The following FDX1 variants were observed in gnomAD, a reference collection of about 807,000 sequenced individuals.
FDX1 encodes the protein adrenodoxin, mitochondrial.
FDX1 carries 9 observed loss-of-function variants against 14.9 expected under a neutral mutation model. The ratio of observed to expected loss-of-function variants is 0.60; its 90% CI spans 0.36 to 1.05. The LOEUF (loss-of-function observed/expected upper bound fraction) is 1.05. Ranked by LOEUF, FDX1 falls within the 50% of genes least tolerant of loss-of-function variation. The probability of loss-of-function intolerance (pLI) is 0.01; values close to 1 mark genes in which losing one functional copy is unlikely to be tolerated. For synonymous variants in FDX1, 92 were observed against 99.4 expected (o/e 0.93, Z 0.44); for missense variants, 204 against 237.2 (o/e 0.86, Z 0.92).
intron 1 of FDX1, among the ~76,000 whole-genome samples, chr11:110,432,325 T>C (rs1344300620): frequency 6.6e-6 from 1 of 152,142 alleles, no homozygotes; most frequent in East Asian, 1.9e-4. Flanking sequence ...GGTAGATAAA[T>C]GGGAATAAAA....
Position 110,452,169 on chromosome 11 carries a change from G to A in FDX1, c.311-4749G>A, listed in dbSNP as rs113235022. 2.6e-3 allele frequency among the ~76,000 whole-genome samples: 394 copies of A among 152,130 alleles called. 1 individual carries two copies. The highest frequency in any genetic ancestry group is 9.1e-3 in the African/African-American group (378 of 41,538). On this transcript the variant is annotated intron_variant, in intron 2 of 3. Transcript: ENST00000260270. ...AATCTTTAGGACCTGTGGGTAGGTA[G>A]GCAGAGAATTCTTAGACATGACTGG...
chr11:110,431,195 A>G (rs1211777470), intron 1 of FDX1, among the ~76,000 whole-genome samples: 1 of 152,214 alleles, frequency 6.6e-6, no homozygotes, highest in Admixed American at 6.5e-5. Flanking sequence ...AAATGTGACA[A>G]TTTATCCCAA....
intron 2 of FDX1, among the ~76,000 whole-genome samples, chr11:110,452,197 A>G (rs1022751719): frequency 2.6e-5 from 4 of 151,980 alleles, no homozygotes; most frequent in African/African-American, 9.7e-5. Flanking sequence ...ATGACTGGAA[A>G]AGAATTTATA....
Position 110,457,029 on chromosome 11 carries a change from C to T in FDX1, c.422C>T (p.Ala141Val), listed in dbSNP as rs200977489. ...GAGGAGAATGACATGCTCGATCTGG[C>T]ATATGGACTAACAGACAGGTAAGAT... ...TDEENDMLDL[A>V]YGLTDRSRLG... Residue 141 changes from alanine to valine, a missense_variant, in exon 3 of 4, where the codon GCA (alanine) becomes GTA (valine). Ala to Val is a moderately conservative substitution (Grantham distance 64). Coordinates refer to ENST00000260270, the MANE Select transcript of FDX1 (RefSeq NM_004109.5). 3.1e-6 allele frequency: 5 copies of T among 1,611,836 alleles called. No homozygotes were observed. The highest frequency in any genetic ancestry group is 3.3e-4 in the Middle Eastern group (2 of 6,072).
chr11:110,443,293 T>A (rs1390658820), intron 2 of FDX1, among the ~76,000 whole-genome samples: 1 of 134,674 alleles, frequency 7.4e-6, no homozygotes, highest in Non-Finnish European at 1.6e-5. Flanking sequence ...TTTTTTTCTG[T>A]AGGAAAATGT....
chr11:110,440,940 C>A (rs1303857650), intron 2 of FDX1, among the ~76,000 whole-genome samples: 1 of 152,146 alleles, frequency 6.6e-6, no homozygotes, highest in African/African-American at 2.4e-5. Flanking sequence ...GAATTCCCAC[C>A]TGTTATAGGA....
intron 2 of FDX1, among the ~76,000 whole-genome samples, chr11:110,455,133 A>G (rs1441885658): frequency 1.3e-5 from 2 of 152,054 alleles, no homozygotes; most frequent in Admixed American, 1.3e-4. Context: ...CAGCCTCCCG[A>G]GTAGCTGGGA....
At chr11:110,431,153 T>C (rs1946328687) in intron 1 of FDX1, among the ~76,000 whole-genome samples, 1 of 152,080 alleles carries the variant, frequency 6.6e-6, no homozygotes, top group Non-Finnish European at 1.5e-5. Context: ...AGGTTCACAA[T>C]GTTAAGAGAG....
Position 110,462,445 on chromosome 11 carries a change from A to G in FDX1, c.532A>G (p.Ile178Val), listed in dbSNP as rs200884507. The part of the protein sequence containing the change: ...PETVADARQS[I>V]DVGKTS ...AACAGTGGCTGATGCCAGACAATCC[A>G]TTGATGTGGGCAAGACCTCCTGAAC... The change falls in exon 4 of 4, where the codon ATT becomes GTT. Residue 178 changes from isoleucine to valine, a missense_variant. Transcript: ENST00000260270. 1.4e-5 allele frequency: 22 copies of G among 1,552,324 alleles called. 1 individual carries two copies. In the Admixed American group the frequency reaches 2.8e-4, roughly 20 times the overall value.
At chr11:110,433,008 G>A (rs1010715837) in intron 1 of FDX1, among the ~76,000 whole-genome samples, 4 of 152,268 alleles carry the variant, frequency 2.6e-5, no homozygotes, top group Middle Eastern at 3.4e-3. Flanking sequence ...TATGTGTTAC[G>A]TATTTTGCAT....
At chr11:110,439,454 G>T (rs939052152) in intron 2 of FDX1, among the ~76,000 whole-genome samples, 6 of 151,878 alleles carry the variant, frequency 4.0e-5, no homozygotes, top group Admixed American at 2.6e-4. Flanking sequence ...TGATCTGCCC[G>T]ATTTGGCCTC....
intron 3 of FDX1, among the ~76,000 whole-genome samples, chr11:110,459,974 T>C (rs926421020): frequency 2.0e-5 from 3 of 152,250 alleles, no homozygotes; most frequent in Non-Finnish European, 4.4e-5. Flanking sequence ...GTTTCACTGA[T>C]AACTGTTTCC....
intron 2 of FDX1, among the ~76,000 whole-genome samples, chr11:110,451,186 T>G (rs1224334366): frequency 6.6e-6 from 1 of 152,118 alleles, no homozygotes; most frequent in Non-Finnish European, 1.5e-5. Flanking sequence ...TAATCTATTT[T>G]CAGGTCAGCT....
At chr11:110,430,723 C>G (rs1401376866) in intron 1 of FDX1, among the ~76,000 whole-genome samples, 2 of 152,204 alleles carry the variant, frequency 1.3e-5, no homozygotes, top group African/African-American at 2.4e-5. Flanking sequence ...CCTGGCCTGA[C>G]ACACCTGCCA....
At chr11:110,431,095 A>G (rs1441615513) in intron 1 of FDX1, among the ~76,000 whole-genome samples, 1 of 138,674 alleles carries the variant, frequency 7.2e-6, no homozygotes, top group Non-Finnish European at 1.5e-5. Context: ...AGTAGATGCC[A>G]CTTGGTAGCA....
rs1946578995 is a variant in FDX1 at position 110,464,228 on chromosome 11, T to C, written c.*1760T>C. The C allele has an allele frequency of 6.6e-6, 1 of 152,184 alleles. No homozygotes were observed. Among genetic ancestry groups the C allele is most frequent in the South Asian group, 2.1e-4 (1 of 4,830 alleles). The allele number at this position is 152,184 out of a possible 1,614,324, so 9.4% of individuals were successfully genotyped here. ...GTGCTTGGCCATAACTATTGAATGCTTTCTATGTGGAGAGTGCTTGTCTTA... is the reference window on the plus strand; with the variant it reads ...GTGCTTGGCCATAACTATTGAATGCCTTCTATGTGGAGAGTGCTTGTCTTA... On this transcript the variant is annotated 3_prime_UTR_variant, in exon 4 of 4. Transcript: ENST00000260270.
At position 110,446,917 on chromosome 11, in the gene FDX1, C is replaced by G. The variant is rs1472129169; in HGVS notation, c.311-10001C>G. Among the ~76,000 whole-genome samples the G allele has an allele frequency of 2.0e-5, 3 of 152,200 alleles. No individual in the cohort carries two copies. The East Asian group carries it at 5.8e-4, about 29-fold the overall frequency. ...GTGGGCCAGGCACAGTGGCTGACGC[C>G]TGTAATCCCTGCACTTTGGGAGGCC... On this transcript the variant is annotated intron_variant, in intron 2 of 3. Coordinates refer to ENST00000260270, the MANE Select transcript of FDX1 (RefSeq NM_004109.5).
intron 3 of FDX1, among the ~76,000 whole-genome samples, chr11:110,460,216 AT>A (rs45623036): frequency 0.19 from 28,285 of 151,888 alleles, 2,831 homozygotes; most frequent in Admixed American, 0.27. Flanking sequence ...GATAGAGGGG[AT>A]TTTTTTTCTA....
chr11:110,458,928 A>T (rs1050085851), intron 3 of FDX1, among the ~76,000 whole-genome samples: 1 of 152,050 alleles, frequency 6.6e-6, no homozygotes. Context: ...GGTTGTCCTT[A>T]ACCTTGATTG....
Sources: allele counts gnomAD v4.1 joint callset (sites outside exome capture counted in the v4.1 genomes callset), GRCh38; gene constraint gnomAD v4.1.1; transcripts MANE v1.5; gene names NCBI Gene and HGNC (gene_info 2026-07-23, HGNC 2026-07-21).